The following SLC35F1 variants were observed in gnomAD, a reference collection of about 807,000 sequenced individuals.
The protein encoded by SLC35F1 is chromosome 6 open reading frame 169.
Under a neutral mutation model 48.7 loss-of-function variants are expected in SLC35F1, and 14 were observed. The observed-to-expected ratio is 0.29, with a 90% confidence interval of 0.19 to 0.45. The LOEUF (loss-of-function observed/expected upper bound fraction) is 0.45. Among genes scored for constraint, SLC35F1 ranks in the 20% least tolerant of loss-of-function variants. The pLI, the probability that SLC35F1 is intolerant of heterozygous loss-of-function variation, is 1.00. For missense variants in SLC35F1, 404 were observed against 500.0 expected (o/e 0.81, Z 1.83); for synonymous variants, 190 against 202.2 (o/e 0.94, Z 0.51).
At chr6:118,230,916 A>C (rs908504333) in intron 2 of SLC35F1, among the ~76,000 whole-genome samples, 2 of 152,146 alleles carry the variant, frequency 1.3e-5, no homozygotes, top group African/African-American at 4.8e-5. Flanking sequence ...AGCCATGGTC[A>C]CGCCACTGCA....
intron 2 of SLC35F1, among the ~76,000 whole-genome samples, chr6:118,170,214 C>A (rs205948): frequency 3.7e-4 from 56 of 152,100 alleles, no homozygotes; most frequent in African/African-American, 1.3e-3. Context: ...AAAATCAATC[C>A]AATTTGATTG....
chr6:117,978,087 A>G (rs1039925188), intron 1 of SLC35F1, among the ~76,000 whole-genome samples: 5 of 152,108 alleles, frequency 3.3e-5, no homozygotes, highest in East Asian at 1.9e-4. Flanking sequence ...TTCAGAGTAA[A>G]TTATTTTATT....
rs777372296 is a variant in SLC35F1 at position 118,277,556 on chromosome 6, T to C, written c.847+10T>C. The C allele has an allele frequency of 1.2e-6, 2 of 1,612,838 alleles. No homozygotes were observed. Among genetic ancestry groups the C allele is most frequent in the Non-Finnish European group, 1.7e-6 (2 of 1,178,972 alleles). On this transcript the variant is annotated intron_variant, in intron 6 of 7. Transcript: ENST00000360388. The stretch of plus-strand genomic sequence containing the variant: ...TGGGACTGGCAAATAGGTAAGGAGT[T>C]GGCTCACATACGATGCTCTTTTTAT...
At chr6:118,077,245 G>A (rs1351608920) in intron 1 of SLC35F1, among the ~76,000 whole-genome samples, 1 of 152,206 alleles carries the variant, frequency 6.6e-6, no homozygotes, top group African/African-American at 2.4e-5. Context: ...GGGCTGCTGG[G>A]GAGAGGCTCT....
chr6:118,185,641 C>T (rs1408040517), intron 2 of SLC35F1, among the ~76,000 whole-genome samples: 1 of 152,108 alleles, frequency 6.6e-6, no homozygotes, highest in Non-Finnish European at 1.5e-5. Context: ...GACCTGGCAA[C>T]AGTGAATCTT....
chr6:118,280,671 G>A (rs1582767673), intron 6 of SLC35F1, among the ~76,000 whole-genome samples: 1 of 151,982 alleles, frequency 6.6e-6, no homozygotes, highest in East Asian at 1.9e-4. Context: ...TGAAGCCAGG[G>A]GTTCAAGACC....
Position 118,107,869 on chromosome 6 carries a change from C to T in SLC35F1, c.174-46576C>T, listed in dbSNP as rs149404814. On this transcript the variant is annotated intron_variant, in intron 1 of 7. Transcript: ENST00000360388. ...GACAATTTCAGGGTCAAACAAATCT[C>T]TAATCATTCCCTTAAATTAGAAGGA... 2.6e-4 allele frequency among the ~76,000 whole-genome samples: 40 copies of T among 152,058 alleles called. No homozygotes were observed. The East Asian group carries it at 6.8e-3, about 26-fold the overall frequency.
At chr6:118,014,274 A>G (rs2114878896) in intron 1 of SLC35F1, among the ~76,000 whole-genome samples, 1 of 152,332 alleles carries the variant, frequency 6.6e-6, no homozygotes, top group Admixed American at 6.5e-5. Context: ...TGTATATTGT[A>G]GTTTGTAGGC....
At chr6:118,106,755 G>A (rs528505589) in intron 1 of SLC35F1, among the ~76,000 whole-genome samples, 1 of 152,146 alleles carries the variant, frequency 6.6e-6, no homozygotes, top group East Asian at 1.9e-4. Flanking sequence ...AATAGGCTAT[G>A]CCTCCAACTC....
intron 7 of SLC35F1, among the ~76,000 whole-genome samples, chr6:118,311,172 A>C (rs4946336): frequency 0.59 from 89,642 of 151,988 alleles, 27,060 homozygotes; most frequent in African/African-American, 0.69. Flanking sequence ...ACTCCTCTGA[A>C]TGACCCCAGG....
intron 1 of SLC35F1, among the ~76,000 whole-genome samples, chr6:118,027,735 T>C (rs1771979944): frequency 6.6e-6 from 1 of 152,150 alleles, no homozygotes; most frequent in African/African-American, 2.4e-5. Flanking sequence ...TTACAATTTT[T>C]TCTTCCCCAT....
In SLC35F1 at chr6:118,058,861, A is replaced by G. The variant is rs1772497688; in HGVS notation, c.174-95584A>G. Among the ~76,000 whole-genome samples the G allele has an allele frequency of 2.0e-5, 3 of 152,354 alleles. No individual in the cohort carries two copies. The South Asian group carries it at 6.2e-4, about 32-fold the overall frequency. On this transcript the variant is annotated intron_variant, in intron 1 of 7. Coordinates refer to ENST00000360388, the MANE Select transcript of SLC35F1 (RefSeq NM_001029858.4). ...ATACAATCTGGAGAAATTTGCTGTC[A>G]GTAGCAAGATGCAATTCATAACCTT...
At chr6:117,940,604 C>T (rs894741227) in intron 1 of SLC35F1, among the ~76,000 whole-genome samples, 1 of 152,066 alleles carries the variant, frequency 6.6e-6, no homozygotes, top group African/African-American at 2.4e-5. Flanking sequence ...TGTTCCGCAA[C>T]AGATAAATGA....
At chr6:118,267,981 C>T (rs1395551772) in intron 4 of SLC35F1, among the ~76,000 whole-genome samples, 13 of 152,128 alleles carry the variant, frequency 8.5e-5, no homozygotes, top group Non-Finnish European at 1.5e-5. Context: ...AAAGTACCCA[C>T]TTTTCTATAG....
At chr6:117,914,863 T>C (rs2355789) in intron 1 of SLC35F1, among the ~76,000 whole-genome samples, 43,878 of 151,866 alleles carry the variant, frequency 0.29, 6,511 homozygotes, top group Middle Eastern at 0.36. Context: ...AGACCTTTTT[T>C]GATGAATACC....
chr6:118,193,907 A>T (rs1774766545), intron 2 of SLC35F1, among the ~76,000 whole-genome samples: 1 of 152,220 alleles, frequency 6.6e-6, no homozygotes, highest in Admixed American at 6.5e-5. Context: ...TTTAGACCAA[A>T]TGTCTTTATT....
chr6:117,969,505 G>T (rs564117370), intron 1 of SLC35F1, among the ~76,000 whole-genome samples: 1 of 152,134 alleles, frequency 6.6e-6, no homozygotes. Flanking sequence ...AGGTAGGATC[G>T]CTTGAGATGA....
At chr6:117,971,713 G>T (rs1329306549) in intron 1 of SLC35F1, among the ~76,000 whole-genome samples, 1 of 152,264 alleles carries the variant, frequency 6.6e-6, no homozygotes, top group African/African-American at 2.4e-5. Flanking sequence ...CTTGGAGCTT[G>T]CACCCTCTGA....
chr6:118,105,864 A>G (rs1486640173), intron 1 of SLC35F1, among the ~76,000 whole-genome samples: 2 of 152,218 alleles, frequency 1.3e-5, no homozygotes, highest in African/African-American at 4.8e-5. Context: ...ACGATCATAC[A>G]TCAAAGTAGA....
Sources: gnomAD v4.1 joint callset for allele counts (sites outside exome capture counted in the v4.1 genomes callset) on GRCh38, gnomAD v4.1.1 for gene constraint, MANE v1.5 for transcripts, NCBI Gene and HGNC (gene_info 2026-07-23, HGNC 2026-07-21) for gene names.